NLRP4: variants seen among roughly 807,000 people sequenced by gnomAD.
NLRP4 encodes NACHT, LRR and PYD domains-containing protein 4.
NLRP4 carries 44 observed loss-of-function variants against 84.7 expected under a neutral mutation model. That is an observed-to-expected ratio of 0.52 (90% CI 0.41 to 0.67). The LOEUF is 0.67. NLRP4 is among the 30% of genes least tolerant of loss of function. NLRP4 has a pLI of 0.00. For synonymous variants in NLRP4, 544 were observed against 476.4 expected (o/e 1.14, Z -1.85); for missense variants, 1,260 against 1,219.4 (o/e 1.03, Z -0.50).
At chr19:55,865,102 A>G (rs8105150) in intron 5 of NLRP4, among the ~76,000 whole-genome samples, 30,640 of 152,108 alleles carry the variant, frequency 0.2, 3,286 homozygotes, top group East Asian at 0.4. Flanking sequence ...TAAGCATAGT[A>G]CCTGATAGGT....
At chr19:55,857,325 ATGTGTGTG>A (rs35115500) in intron 2 of NLRP4, 110 of 272,736 alleles carry the variant, frequency 4.0e-4, no homozygotes, top group South Asian at 1.7e-3. Context: ...GTAGCAATGA[ATGTGTGTG>A]TGTGTGTGTG....
rs1568658620 is a variant in NLRP4, at chr19:55,850,131, GTGGCTGCGGTGT to G, written c.-65-1884_-65-1873del. On this transcript the variant is annotated intron_variant, in intron 1 of 9. Transcript: ENST00000301295. ...TTACCGTAGCTGCGGTGTAATTTCC[GTGGCTGCGGTGT>G]AATTTCCGAGGCTGCGGTGTAATTT... is the stretch of plus-strand genomic sequence containing the variant. Among the ~76,000 whole-genome samples the G allele has an allele frequency of 1.4e-4, 20 of 141,608 alleles. 1 individual carries two copies. Among genetic ancestry groups the G allele is most frequent in the East Asian group, 8.8e-4 (4 of 4,538 alleles). 92.9% of individuals were successfully genotyped at this position (141,608 alleles called of 152,430 possible).
At chr19:55,874,941 C>T (rs925339148) in intron 7 of NLRP4, among the ~76,000 whole-genome samples, 13 of 151,994 alleles carry the variant, frequency 8.6e-5, no homozygotes, top group African/African-American at 2.7e-4. Flanking sequence ...GGCTTATCCC[C>T]AAAATGTAAA....
intron 1 of NLRP4, among the ~76,000 whole-genome samples, chr19:55,843,206 AATT>A (rs2122995989): frequency 6.6e-6 from 1 of 152,170 alleles, no homozygotes; most frequent in Non-Finnish European, 1.5e-5. Flanking sequence ...CGTTCAAATA[AATT>A]ATTGTCCTCC....
intron 1 of NLRP4, among the ~76,000 whole-genome samples, chr19:55,849,848 C>CCGTAGCTGCGGTGTAATTT (rs1983954310): frequency 1.4e-5 from 2 of 146,780 alleles, no homozygotes; most frequent in Non-Finnish European, 3.0e-5. Flanking sequence ...GGTGTAATTT[C>CCGTAGCTGCGGTGTAATTT]CGAGACTGCG....
chr19:55,854,716 C>A (rs1398563174), intron 2 of NLRP4, among the ~76,000 whole-genome samples: 1 of 152,178 alleles, frequency 6.6e-6, no homozygotes, highest in East Asian at 1.9e-4. Flanking sequence ...AAACCCCTCC[C>A]AGTCCAATTT....
chr19:55,867,638 A>G, intron 5 of NLRP4, 71 bp from the exon 6 acceptor site: 3 of 1,415,674 alleles, frequency 2.1e-6, no homozygotes, highest in Non-Finnish European at 2.9e-6. Flanking sequence ...CCCGACTCTG[A>G]CAGGATTGGC....
rs1600223965 is a variant in NLRP4, at chr19:55,850,809, CCGAGGCTGCGGTGTAATGT to C, written c.-65-1205_-65-1187del. 6.8e-4 allele frequency among the ~76,000 whole-genome samples: 76 copies of C among 112,470 alleles called. 2 individuals carry two copies. Among genetic ancestry groups the C allele is most frequent in the Non-Finnish European group, 9.9e-4 (58 of 58,624 alleles). The allele number at this position is 112,470 out of a possible 152,430, so 73.8% of individuals were successfully genotyped here. A position where few individuals can be genotyped will look rare whatever the true frequency, so the allele number is the denominator to read the frequency against. On this transcript the variant is annotated intron_variant, in intron 1 of 9. Transcript: ENST00000301295. ...AATTCCCGAGGCTGCGGTGTAATTT[CCGAGGCTGCGGTGTAATGT>C]CCGAGGCTGCGGTGTAATTTACGAG...
intron 2 of NLRP4, among the ~76,000 whole-genome samples, chr19:55,854,437 T>C (rs535518132): frequency 6.6e-6 from 1 of 152,306 alleles, no homozygotes; most frequent in South Asian, 2.1e-4. Flanking sequence ...TTCTACTGTT[T>C]CTTTTTCTCT....
chr19:55,876,031 C>A lies in NLRP4; in HGVS notation c.2526-965C>A, dbSNP rs145985188. ...CAGCCTGGACAACAGGAGTGAAACT[C>A]CGTCTCAAATAAAAATAATGTAGGA... On this transcript the variant is annotated intron_variant, in intron 7 of 9. Transcript: ENST00000301295. Among the ~76,000 whole-genome samples the A allele has an allele frequency of 1.7e-3, 263 of 152,184 alleles. 4 individuals are homozygous for A. The East Asian group carries it at 0.024, about 14-fold the overall frequency.
chr19:55,849,858 G>A lies in NLRP4; in HGVS notation c.-65-2158G>A, dbSNP rs1170672281. 9.5e-5 allele frequency among the ~76,000 whole-genome samples: 14 copies of A among 146,692 alleles called. 3 individuals carry two copies. Among genetic ancestry groups the A allele is most frequent in the African/African-American group, 2.3e-4 (9 of 39,284 alleles). On this transcript the variant is annotated intron_variant, in intron 1 of 9. Coordinates refer to ENST00000301295, the MANE Select transcript of NLRP4 (RefSeq NM_134444.5). ...GCTGCGGTGTAATTTCCGAGACTGC[G>A]GTGTAATTTCCGTGGCCGCGGTGTA...
At chr19:55,860,126 G>C (rs1984689915) in intron 3 of NLRP4, among the ~76,000 whole-genome samples, 4 of 151,542 alleles carry the variant, frequency 2.6e-5, no homozygotes, top group South Asian at 4.2e-4. Flanking sequence ...GCTGGGACTA[G>C]AGGGGCCCGC....
chr19:55,839,040 T>C (rs1203533595), intron 1 of NLRP4, among the ~76,000 whole-genome samples: 2 of 152,048 alleles, frequency 1.3e-5, no homozygotes, highest in Non-Finnish European at 2.9e-5. Flanking sequence ...ACACGTGGCA[T>C]GGTGGTTTGC....
At chr19:55,839,083 C>G (rs1373679674) in intron 1 of NLRP4, among the ~76,000 whole-genome samples, 1 of 151,836 alleles carries the variant, frequency 6.6e-6, no homozygotes, top group Non-Finnish European at 1.5e-5. Flanking sequence ...AGGTTTTAAG[C>G]CCCACATGCA....
rs953482687 is a variant in NLRP4 at position 55,841,722 on chromosome 19, G to A, written c.-66+4788G>A. Among the ~76,000 whole-genome samples, 4 of 151,972 alleles carry A rather than the reference G, an allele frequency of 2.6e-5. No homozygotes were observed. The South Asian group carries it at 6.2e-4, about 24-fold the overall frequency. ...TTAAAAATACAAAAAAAAGTTAGCC[G>A]GGCATGGTGGCAGGCACCTGTAGTA... On this transcript the variant is annotated intron_variant, in intron 1 of 9. Coordinates refer to ENST00000301295, the MANE Select transcript of NLRP4 (RefSeq NM_134444.5).
intron 1 of NLRP4, among the ~76,000 whole-genome samples, chr19:55,847,833 G>A (rs1983857179): frequency 6.6e-6 from 1 of 151,318 alleles, no homozygotes; most frequent in South Asian, 2.1e-4. Context: ...TCCTGCCTCA[G>A]CCTCCTGAGT....
rs10634802 is a variant in NLRP4 at position 55,836,776 on chromosome 19, G to GTT, written c.-224_-223insTT. On this transcript the variant is annotated 5_prime_UTR_variant, in exon 1 of 10. Coordinates refer to ENST00000301295, the MANE Select transcript of NLRP4 (RefSeq NM_134444.5). ...CCCTGTGTTTATAAGGTGCCTCCCA[G>GTT]GAGCCTGAGACCTGTGAGAAGAATG... The GTT allele has an allele frequency of 0.47, 71,037 of 151,016 alleles. 18,800 individuals carry two copies. The highest frequency in any genetic ancestry group is 0.72 in the African/African-American group (29,611 of 40,904). The allele number at this position is 151,016 out of a possible 1,614,324, so 9.4% of individuals were successfully genotyped here.
At chr19:55,840,775 C>A (rs1983583463) in intron 1 of NLRP4, among the ~76,000 whole-genome samples, 1 of 152,120 alleles carries the variant, frequency 6.6e-6, no homozygotes, top group Admixed American at 6.6e-5. Flanking sequence ...TAATTTGAGC[C>A]CTGTGGTTAT....
chr19:55,850,452 TGGCTGCGGTGTAATTTCCGA>T (rs1568658991), intron 1 of NLRP4, among the ~76,000 whole-genome samples: 1 of 32,554 alleles, frequency 3.1e-5, no homozygotes, highest in Non-Finnish European at 4.8e-5. Context: ...GTAATTTCCG[TGGCTGCGGTGTAATTTCCGA>T]GGCTGCGGTG....
Sources: gnomAD v4.1 joint callset for allele counts (sites outside exome capture counted in the v4.1 genomes callset) on GRCh38, gnomAD v4.1.1 for gene constraint, MANE v1.5 for transcripts, NCBI Gene and HGNC (gene_info 2026-07-23, HGNC 2026-07-21) for gene names.